GPC6: variants seen among roughly 807,000 people sequenced by gnomAD.
GPC6 encodes glypican 6, also known as glypican-6.
GPC6 carries 14 observed loss-of-function variants against 55.2 expected under a neutral mutation model. That is an observed-to-expected ratio of 0.25 (90% confidence interval 0.17 to 0.40). The LOEUF is 0.40. GPC6 is among the 10% of genes least tolerant of loss of function. GPC6 has a pLI of 1.00. For missense variants in GPC6, 641 were observed against 708.5 expected (o/e 0.90, Z 1.08); for synonymous variants, 278 against 259.6 (o/e 1.07, Z -0.68).
At chr13:93,535,846 C>A (rs1304622650) in intron 1 of GPC6, among the ~76,000 whole-genome samples, 1 of 152,034 alleles carries the variant, frequency 6.6e-6, no homozygotes, top group African/African-American at 2.4e-5. Context: ...TATCTAGTAA[C>A]ATGTTACAAA....
intron 6 of GPC6, among the ~76,000 whole-genome samples, chr13:94,318,868 G>C (rs1876676280): frequency 6.6e-6 from 1 of 152,046 alleles, no homozygotes; most frequent in Admixed American, 6.5e-5. Flanking sequence ...CTGCCTTAAA[G>C]TCTCTTTCTT....
intron 2 of GPC6, among the ~76,000 whole-genome samples, chr13:93,773,725 C>T (rs977794754): frequency 5.9e-5 from 9 of 152,090 alleles, no homozygotes; most frequent in African/African-American, 1.7e-4. Context: ...GCCATCAAAC[C>T]GTTACCACTC....
At chr13:94,258,482 A>G (rs990145861) in intron 4 of GPC6, among the ~76,000 whole-genome samples, 1 of 152,234 alleles carries the variant, frequency 6.6e-6, no homozygotes, top group African/African-American at 2.4e-5. Flanking sequence ...CAATTAAAAC[A>G]TACACCAATA....
chr13:94,297,697 C>T (rs17175224), intron 5 of GPC6, among the ~76,000 whole-genome samples: 10,108 of 152,220 alleles, frequency 0.066, 1,012 homozygotes, highest in East Asian at 0.46. Context: ...ATTTTTTAAA[C>T]CTTAAAACTG....
chr13:93,252,642 AT>A (rs1450726644), intron 1 of GPC6, among the ~76,000 whole-genome samples: 6 of 152,128 alleles, frequency 3.9e-5, no homozygotes, highest in African/African-American at 1.4e-4. Flanking sequence ...ATTTTCTTGT[AT>A]CATTTAAAAT....
At chr13:94,344,025 C>G (rs1247075055) in intron 6 of GPC6, among the ~76,000 whole-genome samples, 1 of 152,174 alleles carries the variant, frequency 6.6e-6, no homozygotes, top group African/African-American at 2.4e-5. Context: ...GTCACTGTGC[C>G]TGGCCCATCA....
chr13:93,756,150 T>C (rs993574894), intron 2 of GPC6, among the ~76,000 whole-genome samples: 1 of 152,208 alleles, frequency 6.6e-6, no homozygotes, highest in Non-Finnish European at 1.5e-5. Flanking sequence ...ACTGGGATTC[T>C]ACGTAGGCTC....
At chr13:93,336,576 A>C (rs1484324118) in intron 1 of GPC6, among the ~76,000 whole-genome samples, 1 of 152,216 alleles carries the variant, frequency 6.6e-6, no homozygotes, top group Non-Finnish European at 1.5e-5. Flanking sequence ...AATGCAGTCC[A>C]TCCTCAATTT....
the GPC6 span, among the ~76,000 whole-genome samples, chr13:93,218,774 A>G: frequency 6.6e-6 from 1 of 152,234 alleles, no homozygotes; most frequent in Non-Finnish European, 1.5e-5. Context: ...ACTTATTCAT[A>G]CTGATGACTA....
intron 1 of GPC6, among the ~76,000 whole-genome samples, chr13:93,503,389 A>C (rs964312545): frequency 1.3e-5 from 2 of 152,212 alleles, no homozygotes; most frequent in Non-Finnish European, 2.9e-5. Flanking sequence ...TATTTTAAGC[A>C]TTGCTAGCCA....
intron 1 of GPC6, among the ~76,000 whole-genome samples, chr13:93,351,651 T>G (rs1339275376): frequency 6.6e-6 from 1 of 152,194 alleles, no homozygotes; most frequent in African/African-American, 2.4e-5. Context: ...CTAATTACAC[T>G]GATCTGATGA....
Position 93,803,942 on chromosome 13 carries a change from A to G in GPC6, c.320-26212A>G, listed in dbSNP as rs529163367. On this transcript the variant is annotated intron_variant, in intron 2 of 8. Coordinates refer to ENST00000377047, the MANE Select transcript of GPC6 (RefSeq NM_005708.5). ...AAAATCAGAACGGCTGCTAATGTGT[A>G]TGGAATTACTTTCTGGAGTGATGAA... 3.7e-4 allele frequency among the ~76,000 whole-genome samples: 57 copies of G among 152,214 alleles called. 1 individual carries two copies. The highest frequency in any genetic ancestry group is 1.2e-3 in the African/African-American group (50 of 41,558).
At chr13:93,818,768 G>A (rs117785167) in intron 2 of GPC6, 1 of 152,296 alleles carries the variant, frequency 6.6e-6, no homozygotes, top group East Asian at 1.9e-4. Context: ...TTCTCAAGAT[G>A]CGAATACTGG....
chr13:94,323,735 T>G (rs1196808021), intron 6 of GPC6, among the ~76,000 whole-genome samples: 2 of 152,178 alleles, frequency 1.3e-5, no homozygotes, highest in African/African-American at 4.8e-5. Flanking sequence ...CCCTTTAAAC[T>G]TATACAAATA....
At chr13:94,377,136 A>C (rs977101345) in intron 6 of GPC6, among the ~76,000 whole-genome samples, 1 of 151,302 alleles carries the variant, frequency 6.6e-6, no homozygotes, top group African/African-American at 2.4e-5. Context: ...GGACATAGGC[A>C]TGGGCAAGGA....
chr13:94,119,255 A>C (rs1204845405), intron 4 of GPC6, among the ~76,000 whole-genome samples: 1 of 152,094 alleles, frequency 6.6e-6, no homozygotes, highest in African/African-American at 2.4e-5. Context: ...GAGAAAAAAA[A>C]GGGACAACAA....
chr13:94,192,732 T>C (rs1041549581), intron 4 of GPC6, among the ~76,000 whole-genome samples: 3 of 152,116 alleles, frequency 2.0e-5, no homozygotes, highest in African/African-American at 7.2e-5. Flanking sequence ...TGAGAGAATG[T>C]GAAGGGCTGG....
intron 1 of GPC6, among the ~76,000 whole-genome samples, chr13:93,300,573 G>A (rs186495113): frequency 7.2e-4 from 109 of 151,202 alleles, no homozygotes; most frequent in Admixed American, 3.4e-3. Flanking sequence ...GTGTGAACCC[G>A]GGAGGCGGAG....
rs903235665 is a variant in GPC6, at chr13:93,401,786, A to G, written c.161-143477A>G. Reference sequence around the variant, plus strand: ...TTTTTTGTGTGTATATTAAATGATCATATATAGTTATTTATTTATATACCT... The same window carrying G: ...TTTTTTGTGTGTATATTAAATGATCGTATATAGTTATTTATTTATATACCT... On this transcript the variant is annotated intron_variant, in intron 1 of 8. Coordinates refer to ENST00000377047, the MANE Select transcript of GPC6 (RefSeq NM_005708.5). Among the ~76,000 whole-genome samples, 10 of 149,366 alleles carry G rather than the reference A, an allele frequency of 6.7e-5. No homozygotes were observed. In the East Asian group the frequency reaches 1.8e-3, roughly 27 times the overall value.
Sources: gnomAD v4.1 joint callset for allele counts (sites outside exome capture counted in the v4.1 genomes callset) on GRCh38, gnomAD v4.1.1 for gene constraint, MANE v1.5 for transcripts, NCBI Gene and HGNC (gene_info 2026-07-23, HGNC 2026-07-21) for gene names.